Variants in COL5A2 observed in about 807,000 individuals in gnomAD.
The protein encoded by COL5A2 is collagen type V alpha 2 chain.
Under a neutral mutation model 208.2 loss-of-function variants are expected in COL5A2, and 23 were observed. The ratio of observed to expected loss-of-function variants is 0.11; its 90% CI spans 0.08 to 0.16. The LOEUF (loss-of-function observed/expected upper bound fraction) is 0.16, where lower values mean the gene tolerates loss of function less well. COL5A2 is among the 10% of genes least tolerant of loss of function. COL5A2 has a pLI of 1.00. For synonymous variants in COL5A2, 625 were observed against 628.5 expected (o/e 0.99, Z 0.08); for missense variants, 1,590 against 1,956.4 (o/e 0.81, Z 3.53).
chr2:189,264,421 A>G, the COL5A2 span, among the ~76,000 whole-genome samples: 4 of 152,180 alleles, frequency 2.6e-5, no homozygotes, highest in Non-Finnish European at 4.4e-5. Context: ...AAATCTTAAA[A>G]ACGTGTTTAT....
At chr2:189,375,501 T>C in the COL5A2 span, among the ~76,000 whole-genome samples, 1 of 152,240 alleles carries the variant, frequency 6.6e-6, no homozygotes, top group Non-Finnish European at 1.5e-5. Flanking sequence ...TGTCAGGTAA[T>C]ATGATGACAG....
chr2:189,225,539 T>C (rs114140800), upstream of COL5A2, among the ~76,000 whole-genome samples: 989 of 152,314 alleles, frequency 6.5e-3, 10 homozygotes, highest in African/African-American at 0.022. Flanking sequence ...CTTCTCTTTG[T>C]ACAGTTTTGC....
At chr2:189,437,661 A>G in the COL5A2 span, among the ~76,000 whole-genome samples, 1 of 152,200 alleles carries the variant, frequency 6.6e-6, no homozygotes, top group African/African-American at 2.4e-5. Context: ...TACAAGAGAG[A>G]AAGTGCAGAA....
At chr2:189,152,510 A>G (rs1688164394) in intron 1 of COL5A2, among the ~76,000 whole-genome samples, 2 of 152,354 alleles carry the variant, frequency 1.3e-5, no homozygotes, top group South Asian at 4.1e-4. Context: ...AACCTTTCCC[A>G]GAGAATTCAC....
the COL5A2 span, among the ~76,000 whole-genome samples, chr2:189,417,829 CATACAT>C: frequency 6.6e-6 from 1 of 151,622 alleles, no homozygotes; most frequent in African/African-American, 2.4e-5. Flanking sequence ...TATATATACA[CATACAT>C]ATATGTGTAT....
At chr2:189,254,559 C>G in the COL5A2 span, among the ~76,000 whole-genome samples, 1 of 152,212 alleles carries the variant, frequency 6.6e-6, no homozygotes, top group Non-Finnish European at 1.5e-5. Context: ...TGAGCATGCG[C>G]AGAGCAGAGA....
intron 1 of COL5A2, among the ~76,000 whole-genome samples, chr2:189,164,479 A>C (rs1264763268): frequency 5.3e-5 from 8 of 151,158 alleles, no homozygotes; most frequent in Non-Finnish European, 8.8e-5. Flanking sequence ...AGTCTATTTT[A>C]TTTTGCTAAA....
intron 32 of COL5A2, 76 bp downstream of exon 32, chr2:189,058,773 T>G: frequency 7.5e-7 from 1 of 1,332,070 alleles, no homozygotes; most frequent in Non-Finnish European, 1.1e-6. Flanking sequence ...AAATCCCAGT[T>G]TAAGATTTTA....
At chr2:189,392,284 C>T in the COL5A2 span, among the ~76,000 whole-genome samples, 1 of 152,058 alleles carries the variant, frequency 6.6e-6, no homozygotes, top group African/African-American at 2.4e-5. Flanking sequence ...AGATTTTGGA[C>T]TCAACCAGAG....
chr2:189,042,756 T>A lies in COL5A2; in HGVS notation c.3489A>T (p.Gln1163His), dbSNP rs1207830692. 2 of 1,606,752 alleles carry A rather than the reference T, an allele frequency of 1.2e-6. No homozygotes were observed. Among genetic ancestry groups the A allele is most frequent in the South Asian group, 2.2e-5 (2 of 90,060 alleles). Reference protein sequence around the residue: ...LPGPPGPNGEQGSAGIPGPFG... With the variant: ...LPGPPGPNGEHGSAGIPGPFG... ...ATGGTCCAGGGATTCCAGCACTTCCTTGTTCACCATTTGGACCCTAAGTAG... is the reference window on the plus strand; with the variant it reads ...ATGGTCCAGGGATTCCAGCACTTCCATGTTCACCATTTGGACCCTAAGTAG... The change falls in exon 49 of 54, where the codon CAA becomes CAT. Residue 1163 changes from glutamine (Q) to histidine (H), a missense_variant. By Grantham distance (24) the Gln-to-His change is conservative. Transcript: ENST00000374866.
the COL5A2 span, among the ~76,000 whole-genome samples, chr2:189,340,851 GATTA>G: frequency 6.6e-6 from 1 of 152,048 alleles, no homozygotes; most frequent in Non-Finnish European, 1.5e-5. Flanking sequence ...GCAGCACAAG[GATTA>G]ATTAATAGGA....
chr2:189,193,586 G>A (rs1020475792), intron 1 of COL5A2, among the ~76,000 whole-genome samples: 5 of 152,260 alleles, frequency 3.3e-5, no homozygotes, highest in Admixed American at 2.0e-4. Context: ...ACTGAAATGG[G>A]CAGCACAAAC....
At chr2:189,288,718 C>A in the COL5A2 span, among the ~76,000 whole-genome samples, 5 of 152,158 alleles carry the variant, frequency 3.3e-5, no homozygotes, top group Admixed American at 2.0e-4. Flanking sequence ...ATTTATGAGG[C>A]CAGCGTTATC....
intron 1 of COL5A2, among the ~76,000 whole-genome samples, chr2:189,165,780 T>C (rs1688451891): frequency 2.6e-5 from 4 of 152,138 alleles, no homozygotes; most frequent in Admixed American, 2.6e-4. Context: ...TGTAAAAAGC[T>C]CTATATGTAG....
chr2:189,193,390 A>C (rs1688955018), intron 1 of COL5A2, among the ~76,000 whole-genome samples: 1 of 152,232 alleles, frequency 6.6e-6, no homozygotes, highest in Non-Finnish European at 1.5e-5. Flanking sequence ...ATTTGCTTAA[A>C]AGTAATATGC....
chr2:189,034,897 T>G lies in COL5A2; in HGVS notation c.4353+19A>C, dbSNP rs2153505962. 6.2e-7 allele frequency: 1 copy of G among 1,613,792 alleles called. No individual in the cohort carries two copies. Among genetic ancestry groups the G allele is most frequent in the East Asian group, 2.2e-5 (1 of 44,836 alleles). On this transcript the variant is annotated intron_variant, in intron 53 of 53. Transcript: ENST00000374866. ...TTTTTTTTCCTCAACCAGATCAATG[T>G]AGATCAAAAAGTACTTACAGAGCAA...
chr2:189,151,968 C>T (rs922816731), intron 1 of COL5A2, among the ~76,000 whole-genome samples: 10 of 152,276 alleles, frequency 6.6e-5, no homozygotes, highest in African/African-American at 2.4e-4. Context: ...TGCTATTTTG[C>T]TTACTTCATA....
In COL5A2 at chr2:189,191,238, A is replaced by G. The variant is rs74580211; in HGVS notation, c.-42+33910T>C. On this transcript the variant is annotated intron_variant, in intron 1 of 10. Coordinates refer to the COL5A2 transcript ENST00000649966. ...ATTGGTTAGTAGCCTAGCAGAGTTA[A>G]GACAGCTACAACAGCAGGGACTAAA... is the stretch of plus-strand genomic sequence containing the variant. Among the ~76,000 whole-genome samples, 33 of 152,128 alleles carry G rather than the reference A, an allele frequency of 2.2e-4. No individual in the cohort carries two copies. The East Asian group carries it at 6.2e-3, about 28-fold the overall frequency.
At chr2:189,099,591 C>T (rs1019702683) in intron 4 of COL5A2, among the ~76,000 whole-genome samples, 5 of 151,992 alleles carry the variant, frequency 3.3e-5, no homozygotes, top group African/African-American at 1.2e-4. Context: ...TGCCACTGCA[C>T]TCCAGCCTGG....
Sources: allele counts gnomAD v4.1 joint callset (sites outside exome capture counted in the v4.1 genomes callset), GRCh38; gene constraint gnomAD v4.1.1; transcripts MANE v1.5; gene names NCBI Gene and HGNC (gene_info 2026-07-23, HGNC 2026-07-21).